The following TOM1L2 variants were observed in gnomAD, a reference collection of about 807,000 sequenced individuals.
TOM1L2 encodes the protein TOM1-like protein 2.
Under a neutral mutation model 67.9 loss-of-function variants are expected in TOM1L2, and 31 were observed. The ratio of observed to expected loss-of-function variants is 0.46; its 90% CI spans 0.34 to 0.62. TOM1L2 has a LOEUF of 0.62. Among genes scored for constraint, TOM1L2 ranks in the 20% least tolerant of loss-of-function variants. The pLI, the probability that TOM1L2 is intolerant of heterozygous loss-of-function variation, is 0.01. For synonymous variants in TOM1L2, 256 were observed against 254.0 expected (o/e 1.01, Z -0.07); for missense variants, 606 against 663.5 (o/e 0.91, Z 0.95).
intron 2 of TOM1L2, among the ~76,000 whole-genome samples, chr17:17,901,551 T>C (rs1339879184): frequency 6.6e-6 from 1 of 152,208 alleles, no homozygotes; most frequent in Non-Finnish European, 1.5e-5. Context: ...CTTTGTATCT[T>C]TGTCCTTCAG....
intron 1 of TOM1L2, among the ~76,000 whole-genome samples, chr17:17,958,956 G>A (rs1427810867): frequency 2.0e-5 from 3 of 152,122 alleles, no homozygotes; most frequent in African/African-American, 7.2e-5. Context: ...ACCCCTAAAC[G>A]ATGGGGTTCA....
intron 1 of TOM1L2, among the ~76,000 whole-genome samples, chr17:17,909,268 G>A (rs2039235280): frequency 6.6e-6 from 1 of 152,122 alleles, no homozygotes; most frequent in Non-Finnish European, 1.5e-5. Flanking sequence ...CAAAAGAACT[G>A]AAAGCAGGGC....
chr17:17,904,926 G>A (rs1477053197), intron 2 of TOM1L2, among the ~76,000 whole-genome samples: 1 of 152,200 alleles, frequency 6.6e-6, no homozygotes, highest in African/African-American at 2.4e-5. Context: ...CACAGCCCTT[G>A]CCAGTCCTGC....
chr17:17,877,495 A>G (rs1287147059), intron 7 of TOM1L2, among the ~76,000 whole-genome samples: 1 of 152,136 alleles, frequency 6.6e-6, no homozygotes, highest in Non-Finnish European at 1.5e-5. Flanking sequence ...ATTTCTCCAC[A>G]TGGAAGGTTG....
chr17:17,949,125 G>A (rs1415723104), intron 1 of TOM1L2, among the ~76,000 whole-genome samples: 1 of 152,134 alleles, frequency 6.6e-6, no homozygotes, highest in Admixed American at 6.5e-5. Flanking sequence ...TGGGTTTCAT[G>A]CCATGCGTTT....
intron 1 of TOM1L2, among the ~76,000 whole-genome samples, chr17:17,924,330 A>G (rs931012033): frequency 6.6e-6 from 1 of 152,174 alleles, no homozygotes; most frequent in African/African-American, 2.4e-5. Context: ...TGATTGTGGT[A>G]ATGGCTGAAC....
Position 17,848,860 on chromosome 17 carries a change from C to T in TOM1L2, c.1339-1G>A, listed in dbSNP as rs1262601739. On this transcript the variant is annotated splice_acceptor_variant, in intron 13 of 14. Transcript: ENST00000379504. LOFTEE classifies it high-confidence loss of function. ...CACCCTCCTCCAGATCATCACCCTTCTGTGGGAGGAGCAGAGAAAATGAAA... is the reference window on the plus strand; with the variant it reads ...CACCCTCCTCCAGATCATCACCCTTTTGTGGGAGGAGCAGAGAAAATGAAA... The T allele has an allele frequency of 1.2e-6, 2 of 1,614,042 alleles. No individual in the cohort carries two copies. Among genetic ancestry groups the T allele is most frequent in the Non-Finnish European group, 1.7e-6 (2 of 1,180,030 alleles).
chr17:17,943,034 T>G (rs770663633), intron 1 of TOM1L2, among the ~76,000 whole-genome samples: 1 of 152,106 alleles, frequency 6.6e-6, no homozygotes, highest in Non-Finnish European at 1.5e-5. Context: ...GAGGGGAGGA[T>G]GATTAGATGA....
At chr17:17,961,403 CA>C (rs1050051498) in intron 1 of TOM1L2, among the ~76,000 whole-genome samples, 1 of 151,850 alleles carries the variant, frequency 6.6e-6, no homozygotes, top group African/African-American at 2.4e-5. Flanking sequence ...CTTGCCACTA[CA>C]AAAAAATAAT....
rs2037024543 is a variant in TOM1L2, at chr17:17,869,322, AAG to A, written c.911+16_911+17del. 1 of 1,607,632 alleles carries A rather than the reference AAG, an allele frequency of 6.2e-7. No homozygotes were observed. Reference sequence around the variant, plus strand: ...TCTTTTCAAGGGAAAAAAAAAAAAAAAGAAATCCGGCTCCCACCTCTCGTATC... The same window carrying A: ...TCTTTTCAAGGGAAAAAAAAAAAAAAAAATCCGGCTCCCACCTCTCGTATC... On this transcript the variant is annotated intron_variant, in intron 8 of 14. Transcript: ENST00000379504.
chr17:17,883,857 A>T (rs1330862718), intron 5 of TOM1L2, among the ~76,000 whole-genome samples: 1 of 152,136 alleles, frequency 6.6e-6, no homozygotes, highest in African/African-American at 2.4e-5. Context: ...CTTCTCAGAG[A>T]TGGGCAGTGG....
intron 1 of TOM1L2, among the ~76,000 whole-genome samples, chr17:17,946,076 T>C (rs1225383736): frequency 6.6e-6 from 1 of 152,048 alleles, no homozygotes; most frequent in Non-Finnish European, 1.5e-5. Flanking sequence ...GGTTTCATCA[T>C]GTTGGAGACC....
intron 1 of TOM1L2, among the ~76,000 whole-genome samples, chr17:17,916,316 G>A (rs915125951): frequency 6.6e-6 from 1 of 152,040 alleles, no homozygotes; most frequent in Non-Finnish European, 1.5e-5. Context: ...CTCGTGATCT[G>A]CCTGCCTTGG....
intron 1 of TOM1L2, among the ~76,000 whole-genome samples, chr17:17,952,592 AC>A (rs1399536158): frequency 6.6e-6 from 1 of 151,826 alleles, no homozygotes; most frequent in Non-Finnish European, 1.5e-5. Flanking sequence ...ACAAGGTCTT[AC>A]TGTGTTGCCT....
intron 1 of TOM1L2, among the ~76,000 whole-genome samples, chr17:17,963,751 G>A (rs1383093873): frequency 6.6e-6 from 1 of 152,208 alleles, no homozygotes; most frequent in Non-Finnish European, 1.5e-5. Context: ...GAAACAGAAA[G>A]TAGAGGAGCC....
chr17:17,934,699 T>C (rs1266802849), intron 1 of TOM1L2, among the ~76,000 whole-genome samples: 2 of 152,192 alleles, frequency 1.3e-5, no homozygotes, highest in African/African-American at 2.4e-5. Flanking sequence ...AATAACAATA[T>C]GCGATATTTC....
intron 1 of TOM1L2, among the ~76,000 whole-genome samples, chr17:17,919,187 C>T (rs1349203032): frequency 6.6e-6 from 1 of 152,228 alleles, no homozygotes; most frequent in African/African-American, 2.4e-5. Flanking sequence ...AATAACAGCA[C>T]TCTCTCACAC....
intron 1 of TOM1L2, among the ~76,000 whole-genome samples, chr17:17,925,957 G>C (rs1051054868): frequency 1.6e-4 from 25 of 151,750 alleles, no homozygotes; most frequent in African/African-American, 5.8e-4. Context: ...GTCCACTTGA[G>C]CCCAGGAATT....
chr17:17,893,876 G>A, intron 3 of TOM1L2, 66 bp from the exon 4 acceptor site: 1 of 1,506,948 alleles, frequency 6.6e-7, no homozygotes, highest in Non-Finnish European at 9.0e-7. Context: ...GGGAACTGAG[G>A]AGCGCAGCTG....
Sources: gnomAD v4.1 joint callset for allele counts (sites outside exome capture counted in the v4.1 genomes callset) on GRCh38, gnomAD v4.1.1 for gene constraint, MANE v1.5 for transcripts, NCBI Gene and HGNC (gene_info 2026-07-23, HGNC 2026-07-21) for gene names.